Variants in SLC36A3 observed in about 807,000 individuals in gnomAD.
The protein encoded by SLC36A3 is proton-coupled amino acid transporter 3.
In SLC36A3, 35 loss-of-function variants were observed where a neutral mutation model predicts 44.3. The ratio of observed to expected loss-of-function variants is 0.79; its 90% confidence interval spans 0.60 to 1.05. SLC36A3 has a LOEUF of 1.05. Ranked by LOEUF, SLC36A3 falls within the 50% of genes least tolerant of loss-of-function variation. SLC36A3 has a pLI of 0.00. For missense variants in SLC36A3, 540 were observed against 578.7 expected, an observed-to-expected ratio of 0.93 and a Z score of 0.69; for synonymous variants, 211 against 227.6, an observed-to-expected ratio of 0.93 and a Z score of 0.66.
intron 6 of SLC36A3, among the ~76,000 whole-genome samples, chr5:151,286,313 G>A (rs986290363): frequency 2.0e-5 from 3 of 151,996 alleles, no homozygotes; most frequent in African/African-American, 7.3e-5. Flanking sequence ...ATGTTTTTTT[G>A]AGACGGTCTT....
At position 151,303,250 on chromosome 5, in the gene SLC36A3, A is replaced by G. The variant is rs1169750168; in HGVS notation, c.105T>C (p.His35=). The change falls in exon 1 of 10, where the codon CAT becomes CAC. Residue 35 remains histidine, a synonymous_variant. Coordinates refer to ENST00000335230, the MANE Select transcript of SLC36A3 (RefSeq NM_181774.4). The part of the protein sequence containing the change: ...SSSSITSENV[H]PAGEAGLSMM... ...ACGATAGTCCAGCTTCTCCAGCAGG[A>G]TGGACATTCTCTGAAGTAATGCTAC... 2 of 1,613,776 alleles carry G rather than the reference A, an allele frequency of 1.2e-6. No individual in the cohort carries two copies. The highest frequency in any genetic ancestry group is 1.7e-5 in the Admixed American group (1 of 59,972).
chr5:151,301,631 G>A (rs1364979194), intron 1 of SLC36A3, among the ~76,000 whole-genome samples: 3 of 151,480 alleles, frequency 2.0e-5, no homozygotes, highest in Non-Finnish European at 1.5e-5. Context: ...TGCTCAGGGA[G>A]ACCGATTTGA....
intron 1 of SLC36A3, among the ~76,000 whole-genome samples, chr5:151,302,757 A>G (rs911927529): frequency 6.6e-6 from 1 of 151,334 alleles, no homozygotes; most frequent in Non-Finnish European, 1.5e-5. Flanking sequence ...TAATTTAATT[A>G]AAAAAAAAGA....
chr5:151,290,572 C>A (rs1754719912), intron 4 of SLC36A3, among the ~76,000 whole-genome samples: 1 of 152,162 alleles, frequency 6.6e-6, no homozygotes, highest in African/African-American at 2.4e-5. Context: ...TTGTAGCAAA[C>A]CAGAGACCCC....
At chr5:151,299,574 TG>T (rs1256533190) in intron 1 of SLC36A3, among the ~76,000 whole-genome samples, 1 of 151,906 alleles carries the variant, frequency 6.6e-6, no homozygotes, top group Non-Finnish European at 1.5e-5. Flanking sequence ...GCTCCAATCC[TG>T]ATGTGGATTG....
intron 8 of SLC36A3, among the ~76,000 whole-genome samples, chr5:151,281,692 C>T (rs1754321572): frequency 6.6e-6 from 1 of 152,060 alleles, no homozygotes; most frequent in Admixed American, 6.5e-5. Context: ...GTGGCATGCA[C>T]CTGTAGTCCC....
Position 151,277,309 on chromosome 5 carries a change from G to A in SLC36A3, c.*84C>T. On this transcript the variant is annotated 3_prime_UTR_variant, in exon 10 of 10. Coordinates refer to ENST00000335230, the MANE Select transcript of SLC36A3 (RefSeq NM_181774.4). ...CCACTAATTAATATAGAGATGTTGG[G>A]ATTTGATGAAGGTATATAACATCCA... 6.6e-7 allele frequency: 1 copy of A among 1,519,088 alleles called. No homozygotes were observed. Among genetic ancestry groups the A allele is most frequent in the South Asian group, 1.2e-5 (1 of 82,630 alleles). 94.1% of individuals were successfully genotyped at this position (1,519,088 alleles called of 1,614,324 possible).
chr5:151,285,943 G>A (rs1038168308), intron 6 of SLC36A3, among the ~76,000 whole-genome samples: 9 of 151,752 alleles, frequency 5.9e-5, no homozygotes, highest in Non-Finnish European at 1.2e-4. Context: ...TCAACCTAGC[G>A]AGACTCAAGC....
chr5:151,288,543 T>C, intron 4 of SLC36A3, 73 bp from the exon 5 acceptor site: 1 of 1,107,228 alleles, frequency 9.0e-7, no homozygotes, highest in Non-Finnish European at 1.3e-6. Context: ...ATGTTTACTA[T>C]TTGAAACAAT....
Position 151,289,668 on chromosome 5 carries a change from A to G in SLC36A3, c.405-1198T>C, listed in dbSNP as rs55874213. Among the ~76,000 whole-genome samples the G allele has an allele frequency of 7.6e-3, 1,163 of 152,292 alleles. 18 individuals are homozygous for G. The highest frequency in any genetic ancestry group is 0.026 in the African/African-American group (1,101 of 41,554). On this transcript the variant is annotated intron_variant, in intron 4 of 9. Coordinates refer to ENST00000335230, the MANE Select transcript of SLC36A3 (RefSeq NM_181774.4). ...CACACTGGCTTTGTTTGAAGAGTAT[A>G]GGCCAATTGTCTTATAGAACGCCCC...
At position 151,303,398 on chromosome 5, in the gene SLC36A3, C is replaced by CT. The variant is rs1315714091; in HGVS notation, c.-45dup. The CT allele has an allele frequency of 1.3e-6, 2 of 1,581,152 alleles. No homozygotes were observed. Among genetic ancestry groups the CT allele is most frequent in the East Asian group, 4.5e-5 (2 of 44,190 alleles). On this transcript the variant is annotated 5_prime_UTR_variant, in exon 1 of 10. An upstream open reading frame in the 5' UTR loses its in-frame stop. Coordinates refer to ENST00000335230, the MANE Select transcript of SLC36A3 (RefSeq NM_181774.4). Reference sequence around the variant, plus strand: ...GTGGCAGAGGCTCAGGGTTAAGGCTCTGAATGAGCCTCTGATGGGTCTTTC... The same window carrying CT: ...GTGGCAGAGGCTCAGGGTTAAGGCTCTTGAATGAGCCTCTGATGGGTCTTTC...
At position 151,285,954 on chromosome 5, in the gene SLC36A3, A is replaced by C. The variant is rs544443447; in HGVS notation, c.709-1243T>G. On this transcript the variant is annotated intron_variant, in intron 6 of 9. Transcript: ENST00000335230. The stretch of plus-strand genomic sequence containing the variant: ...AAGTTCAACCTAGCGAGACTCAAGC[A>C]CTGGAAAATAAATTTGTGTTTTTTC... 9.4e-5 allele frequency among the ~76,000 whole-genome samples: 14 copies of C among 149,352 alleles called. No individual in the cohort carries two copies. The South Asian group carries it at 3.0e-3, about 32-fold the overall frequency.
chr5:151,296,678 C>T, intron 2 of SLC36A3: 1 of 176,134 alleles, frequency 5.7e-6, no homozygotes, highest in Non-Finnish European at 1.2e-5. Flanking sequence ...AGTTTATCAA[C>T]AGGTGCCCTA....
intron 4 of SLC36A3, among the ~76,000 whole-genome samples, chr5:151,291,883 T>C (rs143172253): frequency 0.018 from 2,662 of 152,088 alleles, 38 homozygotes; most frequent in Non-Finnish European, 0.027. Context: ...TGTTTTGAGA[T>C]GGAGTCTCAC....
intron 9 of SLC36A3, among the ~76,000 whole-genome samples, chr5:151,277,994 C>A (rs76116640): frequency 0.057 from 8,698 of 152,180 alleles, 838 homozygotes; most frequent in African/African-American, 0.2. Flanking sequence ...TCACACAGAG[C>A]TGAGATGAGA....
intron 1 of SLC36A3, among the ~76,000 whole-genome samples, chr5:151,301,148 C>T (rs756146063): frequency 3.3e-5 from 5 of 152,204 alleles, no homozygotes; most frequent in Non-Finnish European, 7.3e-5. Flanking sequence ...TTAAGATGTC[C>T]TTGTTTATTC....
chr5:151,295,301 C>G (rs758966967), intron 3 of SLC36A3, among the ~76,000 whole-genome samples: 4 of 152,182 alleles, frequency 2.6e-5, no homozygotes, highest in Non-Finnish European at 5.9e-5. Flanking sequence ...TAGTGCCTAT[C>G]ATAGACTTAC....
chr5:151,279,842 T>A (rs1031787730), intron 9 of SLC36A3, among the ~76,000 whole-genome samples: 6 of 152,214 alleles, frequency 3.9e-5, no homozygotes, highest in Non-Finnish European at 7.3e-5. Flanking sequence ...ATTCCTTCAA[T>A]GACTTTAAAT....
intron 3 of SLC36A3, among the ~76,000 whole-genome samples, chr5:151,294,521 A>G (rs1754888003): frequency 6.6e-6 from 1 of 152,188 alleles, no homozygotes; most frequent in African/African-American, 2.4e-5. Context: ...AGCACATCTA[A>G]AAAATGAAGG....
Sources: gnomAD v4.1 joint callset for allele counts (sites outside exome capture counted in the v4.1 genomes callset) on GRCh38, gnomAD v4.1.1 for gene constraint, MANE v1.5 for transcripts, NCBI Gene and HGNC (gene_info 2026-07-23, HGNC 2026-07-21) for gene names.